NR2C1: variants seen among roughly 807,000 people sequenced by gnomAD.
The protein encoded by NR2C1 is nuclear receptor subfamily 2 group C member 1.
A neutral mutation model predicts 74.8 loss-of-function variants in NR2C1; 33 were observed. The ratio of observed to expected loss-of-function variants is 0.44; its 90% confidence interval spans 0.33 to 0.59. NR2C1 has a LOEUF of 0.59. NR2C1 is among the 20% of genes least tolerant of loss of function. The pLI, the probability that NR2C1 is intolerant of heterozygous loss-of-function variation, is 0.02. For missense variants in NR2C1, 568 were observed against 715.6 expected (o/e 0.79, Z 2.35); for synonymous variants, 225 against 240.6 (o/e 0.94, Z 0.60).
intron 1 of NR2C1, among the ~76,000 whole-genome samples, chr12:95,070,522 T>C (rs1223479999): frequency 6.6e-6 from 1 of 152,174 alleles, no homozygotes; most frequent in Non-Finnish European, 1.5e-5. Flanking sequence ...CCAAGAGCCT[T>C]AAAAATGTTC....
intron 7 of NR2C1, 24 bp from the exon 8 acceptor site, chr12:95,051,967 T>C: frequency 6.7e-7 from 1 of 1,484,250 alleles, no homozygotes; most frequent in Non-Finnish European, 9.1e-7. Flanking sequence ...GGTATTAAAA[T>C]TCTGTGAATT....
In NR2C1 at chr12:95,052,397, G is replaced by A. The variant is rs1167462209; in HGVS notation, c.784-454C>T. Among the ~76,000 whole-genome samples, 5 of 152,134 alleles carry A rather than the reference G, an allele frequency of 3.3e-5. No individual in the cohort carries two copies. In the East Asian group the frequency reaches 9.6e-4, roughly 29 times the overall value. ...TCTTGATCTCCTGACCTCATGATCT[G>A]CCTGCCTCGGCCTCCCAAAGTGTTG... On this transcript the variant is annotated intron_variant, in intron 7 of 13. Coordinates refer to ENST00000333003, the MANE Select transcript of NR2C1 (RefSeq NM_003297.4).
At chr12:95,027,347 G>A (rs1024995731) in intron 12 of NR2C1, among the ~76,000 whole-genome samples, 3 of 152,090 alleles carry the variant, frequency 2.0e-5, no homozygotes, top group Admixed American at 6.6e-5. Context: ...GAGCTACTGC[G>A]CCCTGCCAAG....
At chr12:95,059,283 C>T (rs531616128) in intron 4 of NR2C1, among the ~76,000 whole-genome samples, 1 of 145,362 alleles carries the variant, frequency 6.9e-6, no homozygotes, top group South Asian at 2.2e-4. Flanking sequence ...GTCAGGGTGA[C>T]AGCGCAAGAC....
intron 10 of NR2C1, 57 bp from the exon 11 acceptor site, chr12:95,031,545 AC>A: frequency 7.4e-7 from 1 of 1,359,704 alleles, no homozygotes; most frequent in Non-Finnish European, 9.9e-7. Context: ...AGTTTTATAA[AC>A]CTTACAGCTA....
At chr12:95,051,080 T>C (rs759307428) in intron 8 of NR2C1, among the ~76,000 whole-genome samples, 1 of 152,234 alleles carries the variant, frequency 6.6e-6, no homozygotes, top group African/African-American at 2.4e-5. Flanking sequence ...TCATAATGAA[T>C]GCAGGTTTTC....
At chr12:95,072,381 A>T (rs976242917) in intron 1 of NR2C1, among the ~76,000 whole-genome samples, 1 of 143,816 alleles carries the variant, frequency 7.0e-6, no homozygotes, top group African/African-American at 2.6e-5. Flanking sequence ...TTGAACCTGG[A>T]GGCGGAGGTT....
intron 1 of NR2C1, among the ~76,000 whole-genome samples, chr12:95,067,659 G>A (rs2136203672): frequency 6.6e-6 from 1 of 151,562 alleles, no homozygotes; most frequent in South Asian, 2.1e-4. Context: ...AACCTCCTGG[G>A]CTCAAGTGAT....
chr12:95,028,292 C>T, intron 12 of NR2C1, 95 bp downstream of exon 12: 2 of 989,370 alleles, frequency 2.0e-6, no homozygotes, highest in South Asian at 1.5e-5. Context: ...CAGGTAACTG[C>T]ACCATTTTAC....
chr12:95,068,621 G>A (rs530746961), intron 1 of NR2C1, among the ~76,000 whole-genome samples: 5 of 152,028 alleles, frequency 3.3e-5, no homozygotes, highest in South Asian at 2.1e-4. Context: ...ATGGTGAAAC[G>A]CCATCTCTAC....
chr12:95,061,565 T>C (rs1407538091), intron 3 of NR2C1, among the ~76,000 whole-genome samples: 1 of 152,242 alleles, frequency 6.6e-6, no homozygotes, highest in African/African-American at 2.4e-5. Context: ...GTATCCACTT[T>C]CTACCTTTAT....
intron 10 of NR2C1, among the ~76,000 whole-genome samples, chr12:95,038,695 T>C (rs1871154316): frequency 6.6e-6 from 1 of 152,142 alleles, no homozygotes; most frequent in East Asian, 1.9e-4. Flanking sequence ...GAGGTGGAGA[T>C]TGCAGTGAGC....
intron 7 of NR2C1, among the ~76,000 whole-genome samples, chr12:95,052,284 T>C (rs1343347326): frequency 6.6e-6 from 1 of 151,972 alleles, no homozygotes; most frequent in Non-Finnish European, 1.5e-5. Context: ...GCCTCCCAAG[T>C]AGCTGGGATT....
At chr12:95,057,021 A>G (rs1874010815) in intron 7 of NR2C1, among the ~76,000 whole-genome samples, 1 of 151,440 alleles carries the variant, frequency 6.6e-6, no homozygotes, top group South Asian at 2.1e-4. Context: ...CTCGTATTTC[A>G]AGATGAGGGA....
chr12:95,031,572 A>G, intron 10 of NR2C1, 84 bp from the exon 11 acceptor site: 1 of 1,014,330 alleles, frequency 9.9e-7, no homozygotes, highest in Non-Finnish European at 1.4e-6. Context: ...AATACTTAAA[A>G]ACAGCATATT....
In NR2C1 at chr12:95,060,110, G is replaced by A; in HGVS notation, c.286-126C>T. The A allele has an allele frequency of 7.9e-6, 6 of 759,408 alleles. No individual in the cohort carries two copies. The East Asian group carries it at 1.6e-4, about 21-fold the overall frequency. 47.0% of individuals were successfully genotyped at this position (759,408 alleles called of 1,614,324 possible). Reference sequence around the variant, plus strand: ...TGCTTTGTTGCTTTCTTTTTCACAAGTTATTTTTAAACTTTGTACTCTATG... The same window carrying A: ...TGCTTTGTTGCTTTCTTTTTCACAAATTATTTTTAAACTTTGTACTCTATG... On this transcript the variant is annotated intron_variant, in intron 3 of 13. Coordinates refer to ENST00000333003, the MANE Select transcript of NR2C1 (RefSeq NM_003297.4).
intron 1 of NR2C1, among the ~76,000 whole-genome samples, chr12:95,068,111 C>T (rs1240563273): frequency 2.0e-5 from 3 of 152,076 alleles, no homozygotes; most frequent in Non-Finnish European, 4.4e-5. Context: ...ATCTCCTGAC[C>T]TCGTGATCTG....
Position 95,022,384 on chromosome 12 carries a change from T to G in NR2C1, c.1657A>C (p.Arg553=), listed in dbSNP as rs754870523. ...TTCATCAGTCTTAAAGCTGGCAATC[T>G]GAGTAGTAGTCTGGATAACCTAAAA... The part of the protein sequence containing the change: ...DTYRLSRLLL[R]LPALRLMNAT... The change falls in exon 14 of 14, where the codon AGA becomes CGA. Residue 553 remains arginine (R), a synonymous_variant. Coordinates refer to ENST00000333003, the MANE Select transcript of NR2C1 (RefSeq NM_003297.4). 3.7e-6 allele frequency: 6 copies of G among 1,611,580 alleles called. No homozygotes were observed. The highest frequency in any genetic ancestry group is 5.1e-6 in the Non-Finnish European group (6 of 1,179,490).
chr12:95,051,951 A>G lies in NR2C1; in HGVS notation c.784-8T>C, dbSNP rs1343737979. On this transcript the variant is annotated splice_region_variant and splice_polypyrimidine_tract_variant and intron_variant, in intron 7 of 13. Transcript: ENST00000333003. ...TCCCTGACATGATTCAGCCTTTAAA[A>G]AAAAGGGTATTAAAATTCTGTGAAT... 2 of 1,550,012 alleles carry G rather than the reference A, an allele frequency of 1.3e-6. No homozygotes were observed. The highest frequency in any genetic ancestry group is 1.7e-6 in the Non-Finnish European group (2 of 1,153,236).
Sources: allele counts gnomAD v4.1 joint callset (sites outside exome capture counted in the v4.1 genomes callset), GRCh38; gene constraint gnomAD v4.1.1; transcripts MANE v1.5; gene names NCBI Gene and HGNC (gene_info 2026-07-23, HGNC 2026-07-21).